ERFL: variants seen among roughly 807,000 people sequenced by gnomAD.
The protein encoded by ERFL is ETS repressor factor like.
In ERFL, 8 loss-of-function variants were observed where a neutral mutation model predicts 27.9. That is an observed-to-expected ratio of 0.29 (90% CI 0.17 to 0.52). The LOEUF is 0.52. Ranked by LOEUF, ERFL falls within the 20% of genes least tolerant of loss-of-function variation. The pLI is 0.97. For missense variants in ERFL, 294 were observed against 444.4 expected (o/e 0.66, Z 3.04); for synonymous variants, 174 against 202.8 (o/e 0.86, Z 1.21).
chr19:41,916,075 T>C lies in ERFL; in HGVS notation c.-13-3143A>G, dbSNP rs1184160632. Among the ~76,000 whole-genome samples the C allele has an allele frequency of 2.6e-5, 4 of 151,824 alleles. No homozygotes were observed. The highest frequency in any genetic ancestry group is 4.4e-5 in the Non-Finnish European group (3 of 67,958). On this transcript the variant is annotated intron_variant, in intron 1 of 5. Transcript: ENST00000597630. This position sits in a 1 kb window ranked among gnomAD's most constrained non-coding sequence, Gnocchi z 5.4. The stretch of plus-strand genomic sequence containing the variant: ...CCATGGCACCGAATGTGTGTGCGCA[T>C]GTGAGCGAAGCGGTGTGCAGAGGCG...
intron 1 of ERFL, among the ~76,000 whole-genome samples, chr19:41,919,113 A>T (rs1471781521): frequency 1.3e-5 from 2 of 151,172 alleles, no homozygotes; most frequent in Middle Eastern, 3.5e-3. Flanking sequence ...TAACACACAT[A>T]CCACACACAT....
chr19:41,918,326 C>G (rs1006229651), intron 1 of ERFL, among the ~76,000 whole-genome samples: 9 of 151,614 alleles, frequency 5.9e-5, no homozygotes, highest in African/African-American at 1.9e-4. Flanking sequence ...ACCACATACA[C>G]ACACACGGTA....
intron 1 of ERFL, among the ~76,000 whole-genome samples, chr19:41,918,762 C>T (rs1555852160): frequency 2.0e-5 from 3 of 149,866 alleles, no homozygotes; most frequent in South Asian, 4.2e-4. Flanking sequence ...ACCACATATA[C>T]ATCTACCACA....
chr19:41,920,826 C>T (rs1289481394), intron 1 of ERFL, among the ~76,000 whole-genome samples: 5 of 152,232 alleles, frequency 3.3e-5, no homozygotes, highest in African/African-American at 7.2e-5. Context: ...CTGCTACCCT[C>T]GCTTGAGAGG....
rs963731491 is a variant in ERFL, at chr19:41,916,447, A to C, written c.-13-3515T>G. On this transcript the variant is annotated intron_variant, in intron 1 of 5. Transcript: ENST00000597630. The surrounding 1 kb of genome is among the most constrained non-coding windows in gnomAD (Gnocchi z 5.4). Reference sequence around the variant, plus strand: ...CACACACACATCAGCATAGTCACAGATGCACAGAAACAGACACACAGTTTT... The same window carrying C: ...CACACACACATCAGCATAGTCACAGCTGCACAGAAACAGACACACAGTTTT... Among the ~76,000 whole-genome samples, 1 of 152,108 alleles carries C rather than the reference A, an allele frequency of 6.6e-6. No individual in the cohort carries two copies. Among genetic ancestry groups the C allele is most frequent in the Admixed American group, 6.5e-5 (1 of 15,280 alleles).
chr19:41,911,499 G>A (rs1374022156), intron 2 of ERFL, among the ~76,000 whole-genome samples: 1 of 152,220 alleles, frequency 6.6e-6, no homozygotes. Flanking sequence ...CTGCACAGGT[G>A]GAAGGCAAGG....
rs560856485 is a variant in ERFL at position 41,916,851 on chromosome 19, C to T, written c.-13-3919G>A. Among the ~76,000 whole-genome samples the T allele has an allele frequency of 1.8e-3, 276 of 151,560 alleles. 2 individuals carry two copies. Among genetic ancestry groups the T allele is most frequent in the African/African-American group, 6.5e-3 (265 of 40,968 alleles). On this transcript the variant is annotated intron_variant, in intron 1 of 5. Coordinates refer to ENST00000597630, the MANE Select transcript of ERFL (RefSeq NM_001365103.2). This position sits in a 1 kb window ranked among gnomAD's most constrained non-coding sequence, Gnocchi z 5.4. ...GACCCAAACATACGACCGACAGCGG[C>T]CCCTGCAGAGGTACACACAGACACA...
intron 1 of ERFL, among the ~76,000 whole-genome samples, chr19:41,924,054 C>T (rs1166479064): frequency 7.2e-5 from 6 of 83,678 alleles, no homozygotes; most frequent in African/African-American, 1.5e-4. Flanking sequence ...TGGCCCCAAA[C>T]AGCTTGTGGG....
Position 41,910,140 on chromosome 19 carries a change from A to C in ERFL, c.68-43T>G, listed in dbSNP as rs2074744051. On this transcript the variant is annotated intron_variant, in intron 2 of 5. Coordinates refer to ENST00000597630, the MANE Select transcript of ERFL (RefSeq NM_001365103.2). This position sits in a 1 kb window ranked among gnomAD's most constrained non-coding sequence, Gnocchi z 4.4. ...GGAGTGGCCTGGGGTCAGGATGCCAAGTCCAGGGCTCTGGGTCCTGCTGGA... is the reference window on the plus strand; with the variant it reads ...GGAGTGGCCTGGGGTCAGGATGCCACGTCCAGGGCTCTGGGTCCTGCTGGA... The C allele has an allele frequency of 6.4e-7, 1 of 1,572,462 alleles. No individual in the cohort carries two copies. The highest frequency in any genetic ancestry group is 8.6e-7 in the Non-Finnish European group (1 of 1,157,400).
chr19:41,916,486 CAT>C lies in ERFL; in HGVS notation c.-13-3556_-13-3555del, dbSNP rs1327107170. 1.3e-5 allele frequency among the ~76,000 whole-genome samples: 2 copies of C among 152,084 alleles called. No homozygotes were observed. The highest frequency in any genetic ancestry group is 2.9e-5 in the Non-Finnish European group (2 of 68,020). On this transcript the variant is annotated intron_variant, in intron 1 of 5. Transcript: ENST00000597630. The surrounding 1 kb of genome is among the most constrained non-coding windows in gnomAD (Gnocchi z 5.4). ...ACACACAGTTTTACACAAATACACACATGACACATCAATTCAATCTCACACAG... is the reference window on the plus strand; with the variant it reads ...ACACACAGTTTTACACAAATACACACGACACATCAATTCAATCTCACACAG...
chr19:41,915,801 G>A (rs1188039899), intron 1 of ERFL, among the ~76,000 whole-genome samples: 5 of 152,110 alleles, frequency 3.3e-5, no homozygotes, highest in Admixed American at 6.5e-5. Flanking sequence ...ATCGCTGATC[G>A]ACTGATGGAG....
chr19:41,910,562 G>A lies in ERFL; in HGVS notation c.68-465C>T, dbSNP rs1400935633. On this transcript the variant is annotated intron_variant, in intron 2 of 5. Coordinates refer to ENST00000597630, the MANE Select transcript of ERFL (RefSeq NM_001365103.2). This position sits in a 1 kb window ranked among gnomAD's most constrained non-coding sequence, Gnocchi z 4.4. ...TTCCCTGTCCCCTGCTCCACCTTTC[G>A]ACATTCCCCAGAGCCCCCCACTGAC... is the stretch of plus-strand genomic sequence containing the variant. Among the ~76,000 whole-genome samples the A allele has an allele frequency of 1.3e-5, 2 of 152,056 alleles. No individual in the cohort carries two copies. The highest frequency in any genetic ancestry group is 1.3e-4 in the Admixed American group (2 of 15,266).
intron 1 of ERFL, among the ~76,000 whole-genome samples, chr19:41,914,535 GC>G (rs1417401159): frequency 4.2e-5 from 6 of 144,510 alleles, no homozygotes; most frequent in South Asian, 2.2e-4. Flanking sequence ...CCCCATCTCT[GC>G]TATCCGTCTT....
chr19:41,909,066 C>T lies in ERFL; in HGVS notation c.610G>A (p.Gly204Ser). ...AGAACCTCCAGGCTCTTACCAGAGCCCAGGAATGGGAAAGGGCTGTCCAGA... is the reference window on the plus strand; with the variant it reads ...AGAACCTCCAGGCTCTTACCAGAGCTCAGGAATGGGAAAGGGCTGTCCAGA... Reference protein sequence around the residue: ...LRLDSPFPFLGSGATSYSKPP... With the variant: ...LRLDSPFPFLSSGATSYSKPP... The change falls in exon 5 of 6, where the codon GGC becomes AGC. Residue 204 changes from glycine to serine, a missense_variant. Physicochemically the swap from Gly to Ser is moderately conservative, Grantham distance 56. Coordinates refer to ENST00000597630, the MANE Select transcript of ERFL (RefSeq NM_001365103.2). The surrounding 1 kb of genome is among the most constrained non-coding windows in gnomAD (Gnocchi z 5.2). 8.1e-7 allele frequency: 1 copy of T among 1,231,436 alleles called. No homozygotes were observed. Among genetic ancestry groups the T allele is most frequent in the Non-Finnish European group, 1.0e-6 (1 of 987,782 alleles). The allele number at this position is 1,231,436 out of a possible 1,614,324, so 76.3% of individuals were successfully genotyped here.
chr19:41,927,182 G>A (rs1298654640), intron 1 of ERFL, among the ~76,000 whole-genome samples: 3 of 152,104 alleles, frequency 2.0e-5, no homozygotes, highest in Non-Finnish European at 4.4e-5. Context: ...AGACAGTGAG[G>A]AGAGACCCAG....
chr19:41,925,945 C>A (rs1486154122), intron 1 of ERFL, among the ~76,000 whole-genome samples: 2 of 151,756 alleles, frequency 1.3e-5, no homozygotes, highest in Non-Finnish European at 2.9e-5. Context: ...TAGCAGGTTG[C>A]ATGTGTGAGT....
chr19:41,912,010 C>T (rs113304017), intron 2 of ERFL, among the ~76,000 whole-genome samples: 4,397 of 151,930 alleles, frequency 0.029, 218 homozygotes, highest in African/African-American at 0.1. Context: ...GACAGCCATG[C>T]GGAACGCCAC....
At chr19:41,927,306 C>T (rs2074877443) in intron 1 of ERFL, among the ~76,000 whole-genome samples, 1 of 152,146 alleles carries the variant, frequency 6.6e-6, no homozygotes, top group Non-Finnish European at 1.5e-5. Flanking sequence ...GGCCTGTACT[C>T]CTTGCCCCGA....
In ERFL at chr19:41,908,409, G is replaced by A. The variant is rs569577519; in HGVS notation, c.884C>T (p.Ala295Val). The A allele has an allele frequency of 3.5e-4, 436 of 1,231,208 alleles. No homozygotes were observed. Among genetic ancestry groups the A allele is most frequent in the Non-Finnish European group, 3.9e-4 (388 of 987,622 alleles). The allele number at this position is 1,231,208 out of a possible 1,614,324, so 76.3% of individuals were successfully genotyped here. A position where few individuals can be genotyped will look rare whatever the true frequency, so the allele number is the denominator to read the frequency against. Residue 295 changes from alanine (A) to valine (V), a missense_variant, in exon 6 of 6, where the codon GCG (alanine) becomes GTG (valine). Physicochemically the swap from Ala to Val is moderately conservative, Grantham distance 64. This residue lies in a region of ERFL where 246 missense variants were observed against 371.4 expected (regional missense o/e 0.66). Transcript: ENST00000597630. The surrounding 1 kb of genome is among the most constrained non-coding windows in gnomAD (Gnocchi z 6.7). ...CCCTGGCAGCGCCAGGCGAGGGGCC[G>A]CTGCCAGGCCCGAGGGGCGCTCGGG... ...LGPERPSGLA[A>V]APRLALPGAG...
Sources: gnomAD v4.1 joint callset for allele counts (sites outside exome capture counted in the v4.1 genomes callset) on GRCh38, gnomAD v4.1.1 for gene constraint, gnomAD v4.1.1 regional missense constraint, Gnocchi (gnomAD v3.1) non-coding constraint, MANE v1.5 for transcripts, NCBI Gene and HGNC (gene_info 2026-07-23, HGNC 2026-07-21) for gene names.